The following TERF1 variants were observed in gnomAD, a reference collection of about 807,000 sequenced individuals.
TERF1 encodes the protein telomeric repeat-binding factor 1.
A neutral mutation model predicts 55.1 loss-of-function variants in TERF1; 20 were observed. The ratio of observed to expected loss-of-function variants is 0.36; its 90% CI spans 0.26 to 0.53. The LOEUF (loss-of-function observed/expected upper bound fraction) is 0.53, where lower values mean the gene tolerates loss of function less well. TERF1 is among the 20% of genes least tolerant of loss of function. TERF1 has a pLI of 0.91. For synonymous variants in TERF1, 168 were observed against 181.2 expected (o/e 0.93, Z 0.59); for missense variants, 439 against 535.7 (o/e 0.82, Z 1.78).
chr8:73,032,278 A>G (rs570381199), intron 8 of TERF1, 145 bp downstream of exon 8: 4 of 583,964 alleles, frequency 6.8e-6, no homozygotes, highest in Non-Finnish European at 1.2e-5. Flanking sequence ...TAATTGAGAT[A>G]GTGTTTAATT....
chr8:73,015,979 G>C (rs1808485586), intron 2 of TERF1, among the ~76,000 whole-genome samples: 1 of 152,146 alleles, frequency 6.6e-6, no homozygotes, highest in South Asian at 2.1e-4. Flanking sequence ...AGTAAGGCCA[G>C]GCACATGGCT....
At chr8:73,037,700 A>AATAT (rs1809615550) in intron 8 of TERF1, among the ~76,000 whole-genome samples, 1 of 79,488 alleles carries the variant, frequency 1.3e-5, no homozygotes, top group African/African-American at 6.1e-5. Context: ...TATATAGTAT[A>AATAT]ATATTATATT....
At chr8:73,039,466 A>G (rs1056252375) in intron 9 of TERF1, among the ~76,000 whole-genome samples, 6 of 152,180 alleles carry the variant, frequency 3.9e-5, no homozygotes, top group Non-Finnish European at 8.8e-5. Context: ...TTGTGATACT[A>G]TCATAAAATC....
chr8:73,046,377 CCCA>C lies in TERF1; in HGVS notation c.*243_*245del, dbSNP rs555669067. On this transcript the variant is annotated 3_prime_UTR_variant, in exon 10 of 10. Coordinates refer to ENST00000276603, the MANE Select transcript of TERF1 (RefSeq NM_017489.3). ...GTTGAACCCTGCCACATTTAGTATC[CCCA>C]CCCCCAAATCCTGTTCCAATGAAAA... is the stretch of plus-strand genomic sequence containing the variant. The C allele has an allele frequency of 2.1e-3, 610 of 293,150 alleles. 8 individuals are homozygous for C. The highest frequency in any genetic ancestry group is 0.012 in the African/African-American group (573 of 45,964). The allele number at this position is 293,150 out of a possible 1,614,324, so 18.2% of individuals were successfully genotyped here. A position where few individuals can be genotyped will look rare whatever the true frequency, so the allele number is the denominator to read the frequency against.
intron 2 of TERF1, 67 bp from the exon 3 acceptor site, chr8:73,020,617 A>G: frequency 1.4e-6 from 2 of 1,398,108 alleles, no homozygotes; most frequent in Non-Finnish European, 2.0e-6. Context: ...AAAGGAATGC[A>G]TTATTAAAAA....
At chr8:73,016,391 T>C (rs1332177998) in intron 2 of TERF1, among the ~76,000 whole-genome samples, 1 of 151,802 alleles carries the variant, frequency 6.6e-6, no homozygotes, top group Non-Finnish European at 1.5e-5. Flanking sequence ...ACAGCAGATA[T>C]CTTAAAGGGG....
At chr8:73,029,320 G>T (rs566644034) in intron 6 of TERF1, among the ~76,000 whole-genome samples, 1 of 152,250 alleles carries the variant, frequency 6.6e-6, no homozygotes, top group South Asian at 2.1e-4. Flanking sequence ...GGATGCTCAA[G>T]TGTCTTACAA....
intron 4 of TERF1, 68 bp from the exon 5 acceptor site, chr8:73,024,754 G>A (rs2129792521): frequency 8.9e-7 from 1 of 1,122,806 alleles, no homozygotes; most frequent in Non-Finnish European, 1.3e-6. Context: ...TAAATAATAT[G>A]TGACAAAAAT....
chr8:73,025,234 G>A (rs980095560), intron 5 of TERF1, among the ~76,000 whole-genome samples: 3 of 152,154 alleles, frequency 2.0e-5, no homozygotes, highest in Admixed American at 2.0e-4. Flanking sequence ...TTAAAAATAA[G>A]AAATAGGCAA....
chr8:73,024,528 AT>A (rs1808898063), intron 4 of TERF1, among the ~76,000 whole-genome samples: 2 of 152,154 alleles, frequency 1.3e-5, no homozygotes, highest in South Asian at 4.1e-4. Flanking sequence ...GTAAACAGGG[AT>A]TTTAACCATA....
At chr8:73,034,632 T>C (rs1216027542) in intron 8 of TERF1, among the ~76,000 whole-genome samples, 1 of 152,132 alleles carries the variant, frequency 6.6e-6, no homozygotes, top group African/African-American at 2.4e-5. Context: ...TCAAGTTAAT[T>C]CAGAAAACTT....
chr8:73,038,975 C>A, intron 8 of TERF1, 141 bp from the exon 9 acceptor site: 1 of 759,924 alleles, frequency 1.3e-6, no homozygotes. Context: ...ATACTGCTTC[C>A]AGATTTGAAG....
intron 7 of TERF1, chr8:73,031,562 A>G (rs1210702828): frequency 6.6e-6 from 1 of 152,248 alleles, no homozygotes; most frequent in Non-Finnish European, 1.5e-5. Flanking sequence ...AAAAAAAATG[A>G]TGCCACATCC....
chr8:73,037,741 A>AT (rs561929393), intron 8 of TERF1, among the ~76,000 whole-genome samples: 1,097 of 85,808 alleles, frequency 0.013, 65 homozygotes, highest in African/African-American at 0.052. Context: ...AGTATGAAAT[A>AT]TATATTATAT....
rs1482437420 is a variant in TERF1 at position 73,037,864 on chromosome 8, G to T, written c.1040-1252G>T. On this transcript the variant is annotated intron_variant, in intron 8 of 9. Transcript: ENST00000276603. ...TATATAATATATAATATATAAATAT[G>T]ATATATAATATATATAAATATGATA... Among the ~76,000 whole-genome samples, 5 of 96,418 alleles carry T rather than the reference G, an allele frequency of 5.2e-5. No homozygotes were observed. In the East Asian group the frequency reaches 7.6e-4, roughly 15 times the overall value. 63.3% of individuals were successfully genotyped at this position (96,418 alleles called of 152,430 possible). A position where few individuals can be genotyped will look rare whatever the true frequency, so the allele number is the denominator to read the frequency against.
At chr8:73,014,801 G>A (rs1808427783) in intron 2 of TERF1, among the ~76,000 whole-genome samples, 1 of 152,214 alleles carries the variant, frequency 6.6e-6, no homozygotes, top group African/African-American at 2.4e-5. Flanking sequence ...ATCTCTGGCT[G>A]ATGTAGTCTG....
chr8:73,010,412 C>T (rs1031879795), intron 1 of TERF1: 1 of 152,188 alleles, frequency 6.6e-6, no homozygotes, highest in African/African-American at 2.4e-5. Flanking sequence ...TTAGAGTTCT[C>T]TTAGAGTTGG....
At chr8:73,013,549 A>C (rs577911079) in intron 1 of TERF1, among the ~76,000 whole-genome samples, 1 of 152,348 alleles carries the variant, frequency 6.6e-6, no homozygotes, top group South Asian at 2.1e-4. Context: ...GATAGAAATA[A>C]TATAAAATAT....
chr8:73,036,868 TA>T (rs891496791), intron 8 of TERF1, among the ~76,000 whole-genome samples: 2 of 145,298 alleles, frequency 1.4e-5, no homozygotes, highest in African/African-American at 5.0e-5. Flanking sequence ...ATTATATATA[TA>T]TGACCTATGA....
Sources: gnomAD v4.1 joint callset for allele counts (sites outside exome capture counted in the v4.1 genomes callset) on GRCh38, gnomAD v4.1.1 for gene constraint, MANE v1.5 for transcripts, NCBI Gene and HGNC (gene_info 2026-07-23, HGNC 2026-07-21) for gene names.